The following PPARGC1A variants were observed in gnomAD, a reference collection of about 807,000 sequenced individuals.
PPARGC1A encodes the protein PPARG coactivator 1 alpha.
In PPARGC1A, 25 loss-of-function variants were observed where a neutral mutation model predicts 88.7. The ratio of observed to expected loss-of-function variants is 0.28; its 90% CI spans 0.21 to 0.39. PPARGC1A has a LOEUF of 0.39. Ranked by LOEUF, PPARGC1A falls within the 10% of genes least tolerant of loss-of-function variation. The pLI, the probability that PPARGC1A is intolerant of heterozygous loss-of-function variation, is 1.00. For missense variants in PPARGC1A, 880 were observed against 968.7 expected (o/e 0.91, Z 1.22); for synonymous variants, 363 against 355.6 (o/e 1.02, Z -0.24).
the PPARGC1A span, among the ~76,000 whole-genome samples, chr4:24,406,912 T>C: frequency 2.0e-5 from 3 of 152,226 alleles, no homozygotes; most frequent in African/African-American, 7.2e-5. Context: ...AGAAAGGGAA[T>C]TGTTCCTGCT....
chr4:24,240,996 G>A, the PPARGC1A span, among the ~76,000 whole-genome samples: 3 of 152,170 alleles, frequency 2.0e-5, no homozygotes, highest in Non-Finnish European at 4.4e-5. Context: ...TGCTGCTGAG[G>A]GGTGGCAGGA....
chr4:24,078,139 T>C, the PPARGC1A span, among the ~76,000 whole-genome samples: 1 of 151,988 alleles, frequency 6.6e-6, no homozygotes, highest in African/African-American at 2.4e-5. Flanking sequence ...TCTCTCACTT[T>C]CACATTAGAG....
chr4:24,344,103 T>TTATA, the PPARGC1A span, among the ~76,000 whole-genome samples: 564 of 151,194 alleles, frequency 3.7e-3, 20 homozygotes, highest in East Asian at 0.09. Context: ...TAGTATTCCA[T>TTATA]TATATATATA....
chr4:24,444,447 A>T, the PPARGC1A span, among the ~76,000 whole-genome samples: 1 of 152,082 alleles, frequency 6.6e-6, no homozygotes. Flanking sequence ...AAAAAAATTT[A>T]AAAATTTAAA....
intron 8 of PPARGC1A, among the ~76,000 whole-genome samples, chr4:23,813,417 C>T (rs1721316248): frequency 6.6e-6 from 1 of 152,070 alleles, no homozygotes; most frequent in South Asian, 2.1e-4. Context: ...GGGCAGCTCT[C>T]CAGGTAATGG....
chr4:23,969,307 C>T, the PPARGC1A span, among the ~76,000 whole-genome samples: 2 of 152,160 alleles, frequency 1.3e-5, no homozygotes, highest in South Asian at 2.1e-4. Context: ...GGTACACTAA[C>T]GTCACAATTA....
chr4:24,441,707 AGAG>A, the PPARGC1A span, among the ~76,000 whole-genome samples: 1 of 152,014 alleles, frequency 6.6e-6, no homozygotes, highest in African/African-American at 2.4e-5. Flanking sequence ...GGAAGAAGGA[AGAG>A]GAGGGAAGGA....
the PPARGC1A span, among the ~76,000 whole-genome samples, chr4:23,989,836 A>G: frequency 1.3e-5 from 2 of 151,730 alleles, no homozygotes; most frequent in Non-Finnish European, 2.9e-5. Context: ...AAATGATTTA[A>G]AAGAAAATAA....
At chr4:24,251,845 G>A in the PPARGC1A span, among the ~76,000 whole-genome samples, 1 of 152,156 alleles carries the variant, frequency 6.6e-6, no homozygotes, top group Non-Finnish European at 1.5e-5. Context: ...TCATTACAGT[G>A]TCCAACCAGA....
chr4:24,452,660 T>C, the PPARGC1A span, among the ~76,000 whole-genome samples: 44 of 152,364 alleles, frequency 2.9e-4, no homozygotes, highest in South Asian at 2.1e-4. Flanking sequence ...TGAAATTTTT[T>C]CATACTCTAT....
chr4:24,089,505 C>CTTTTTT, the PPARGC1A span, among the ~76,000 whole-genome samples: 40 of 73,806 alleles, frequency 5.4e-4, no homozygotes, highest in African/African-American at 1.8e-3. Context: ...CTTTTCTTTT[C>CTTTTTT]TTTTCTTTCT....
intron 2 of PPARGC1A, among the ~76,000 whole-genome samples, chr4:23,874,715 C>A (rs1446215935): frequency 3.3e-5 from 5 of 152,234 alleles, no homozygotes; most frequent in African/African-American, 1.2e-4. Flanking sequence ...GATTGTACCA[C>A]TTTCTTGATC....
chr4:24,219,084 G>A, the PPARGC1A span, among the ~76,000 whole-genome samples: 1 of 152,128 alleles, frequency 6.6e-6, no homozygotes, highest in Non-Finnish European at 1.5e-5. Flanking sequence ...TTCTCCCTTA[G>A]GATTCCAAAT....
the PPARGC1A span, among the ~76,000 whole-genome samples, chr4:24,237,498 A>G: frequency 6.6e-6 from 1 of 152,192 alleles, no homozygotes; most frequent in East Asian, 1.9e-4. Context: ...GAAAGTTGAT[A>G]TATAGATATG....
At chr4:24,087,740 CA>C in the PPARGC1A span, among the ~76,000 whole-genome samples, 2 of 152,176 alleles carry the variant, frequency 1.3e-5, no homozygotes, top group African/African-American at 4.8e-5. Context: ...CTATGGGGGA[CA>C]GGGGCATTAA....
the PPARGC1A span, among the ~76,000 whole-genome samples, chr4:24,104,132 A>G: frequency 6.6e-6 from 1 of 152,200 alleles, no homozygotes; most frequent in Non-Finnish European, 1.5e-5. Flanking sequence ...GAAGTTTTAC[A>G]TGTTTTCTGC....
the PPARGC1A span, among the ~76,000 whole-genome samples, chr4:24,369,512 T>C: frequency 2.0e-5 from 3 of 151,842 alleles, no homozygotes; most frequent in Admixed American, 6.6e-5. Context: ...CCCTATGAAG[T>C]AGTTAAGAGA....
the PPARGC1A span, among the ~76,000 whole-genome samples, chr4:24,451,651 T>C: frequency 2.1e-3 from 313 of 152,268 alleles, 3 homozygotes; most frequent in East Asian, 0.037. Flanking sequence ...CATCTCGGCT[T>C]ACTGCAACCT....
the PPARGC1A span, among the ~76,000 whole-genome samples, chr4:24,367,997 C>A: frequency 2.0e-5 from 3 of 152,122 alleles, no homozygotes; most frequent in Non-Finnish European, 4.4e-5. Flanking sequence ...ATACACTAAC[C>A]TATGGTTGCT....
Sources: allele counts gnomAD v4.1 joint callset (sites outside exome capture counted in the v4.1 genomes callset), GRCh38; gene constraint gnomAD v4.1.1; transcripts MANE v1.5; gene names NCBI Gene and HGNC (gene_info 2026-07-23, HGNC 2026-07-21).